CACNA2D1: variants seen among roughly 807,000 people sequenced by gnomAD.
The protein encoded by CACNA2D1 is calcium voltage-gated channel auxiliary subunit alpha2delta 1.
A neutral mutation model predicts 171.5 loss-of-function variants in CACNA2D1; 53 were observed. The observed-to-expected ratio is 0.31, with a 90% CI of 0.25 to 0.39. CACNA2D1 has a LOEUF of 0.39. Ranked by LOEUF, CACNA2D1 falls within the 10% of genes least tolerant of loss-of-function variation. CACNA2D1 has a pLI of 1.00. For missense variants in CACNA2D1, 903 were observed against 1,299.8 expected, an observed-to-expected ratio of 0.69 and a Z score of 4.69; for synonymous variants, 442 against 443.1, an observed-to-expected ratio of 1.00 and a Z score of 0.03.
intron 1 of CACNA2D1, among the ~76,000 whole-genome samples, chr7:82,359,865 A>G (rs1269194556): frequency 6.6e-6 from 1 of 152,196 alleles, no homozygotes; most frequent in South Asian, 2.1e-4. Context: ...ACAACAGGTA[A>G]TATCTATTGA....
intron 3 of CACNA2D1, among the ~76,000 whole-genome samples, chr7:82,303,149 A>G (rs966841104): frequency 5.3e-5 from 8 of 152,184 alleles, no homozygotes; most frequent in Admixed American, 4.6e-4. Flanking sequence ...GCCCGCCACC[A>G]TGCCCAGCTA....
intron 11 of CACNA2D1, 32 bp from the exon 12 acceptor site, chr7:82,032,933 G>A (rs1802887855): frequency 8.9e-7 from 1 of 1,118,172 alleles, no homozygotes. Flanking sequence ...AAAACAATAT[G>A]CGTATTATTC....
At chr7:82,269,264 G>A (rs979403404) in intron 3 of CACNA2D1, among the ~76,000 whole-genome samples, 1 of 152,062 alleles carries the variant, frequency 6.6e-6, no homozygotes, top group African/African-American at 2.4e-5. Flanking sequence ...AGCTGCCAAT[G>A]TAAATTTACA....
At chr7:82,086,246 C>A (rs1173981212) in intron 6 of CACNA2D1, among the ~76,000 whole-genome samples, 1 of 152,136 alleles carries the variant, frequency 6.6e-6, no homozygotes, top group East Asian at 1.9e-4. Flanking sequence ...AAACAAGATG[C>A]ACGGCCTATG....
intron 1 of CACNA2D1, among the ~76,000 whole-genome samples, chr7:82,411,618 C>T (rs1322501642): frequency 6.6e-6 from 1 of 151,966 alleles, no homozygotes; most frequent in African/African-American, 2.4e-5. Flanking sequence ...GAATCTAAAA[C>T]CTCAAAGCCT....
At chr7:81,951,792 T>A (rs918574100) in intron 38 of CACNA2D1, among the ~76,000 whole-genome samples, 1 of 152,074 alleles carries the variant, frequency 6.6e-6, no homozygotes, top group Non-Finnish European at 1.5e-5. Flanking sequence ...TGTGCTGCTA[T>A]AAACATGCAT....
intron 3 of CACNA2D1, among the ~76,000 whole-genome samples, chr7:82,228,763 T>C (rs187398706): frequency 3.3e-5 from 5 of 152,280 alleles, no homozygotes; most frequent in African/African-American, 1.2e-4. Flanking sequence ...TTTATTATTA[T>C]TATTATTTTC....
chr7:82,308,806 C>T (rs1319752016), intron 3 of CACNA2D1, among the ~76,000 whole-genome samples: 1 of 152,178 alleles, frequency 6.6e-6, no homozygotes, highest in East Asian at 1.9e-4. Flanking sequence ...ATGAAGTTTA[C>T]ATACAAGTTC....
intron 38 of CACNA2D1, among the ~76,000 whole-genome samples, chr7:81,953,506 G>A (rs925996325): frequency 9.9e-5 from 15 of 151,628 alleles, no homozygotes; most frequent in Non-Finnish European, 1.8e-4. Context: ...TTCTCTCCAG[G>A]TAGGGTAAAC....
intron 6 of CACNA2D1, among the ~76,000 whole-genome samples, chr7:82,105,356 G>A (rs1787615545): frequency 7.4e-6 from 1 of 135,936 alleles, no homozygotes; most frequent in Non-Finnish European, 1.6e-5. Flanking sequence ...ATGAGAAAAT[G>A]TTGGTTATAT....
At chr7:82,414,976 T>C in intron 1 of CACNA2D1, among the ~76,000 whole-genome samples, 1 of 152,332 alleles carries the variant, frequency 6.6e-6, no homozygotes, top group East Asian at 1.9e-4. Flanking sequence ...ATTACCTTAT[T>C]TAGGGGAAGA....
intron 12 of CACNA2D1, among the ~76,000 whole-genome samples, chr7:82,030,608 A>G (rs774634635): frequency 3.3e-5 from 5 of 151,832 alleles, no homozygotes; most frequent in Non-Finnish European, 7.4e-5. Context: ...GAAATAAAGT[A>G]TGTAGAGGTG....
chr7:82,142,721 A>T (rs2129090780), intron 4 of CACNA2D1, among the ~76,000 whole-genome samples: 1 of 152,320 alleles, frequency 6.6e-6, no homozygotes, highest in South Asian at 2.1e-4. Flanking sequence ...TGATAAAGTC[A>T]CTTTTACAAA....
At chr7:82,154,540 C>T (rs1228533627) in intron 4 of CACNA2D1, among the ~76,000 whole-genome samples, 2 of 152,040 alleles carry the variant, frequency 1.3e-5, no homozygotes, top group Non-Finnish European at 2.9e-5. Context: ...CACTATGACA[C>T]ATGTATACCT....
chr7:82,254,048 G>A (rs957852815), intron 3 of CACNA2D1, among the ~76,000 whole-genome samples: 1 of 152,024 alleles, frequency 6.6e-6, no homozygotes, highest in Non-Finnish European at 1.5e-5. Flanking sequence ...AAAATAAATA[G>A]TAAACATATT....
At chr7:82,297,248 A>AAAAT (rs139469069) in intron 3 of CACNA2D1, among the ~76,000 whole-genome samples, 16,449 of 151,802 alleles carry the variant, frequency 0.11, 1,948 homozygotes, top group African/African-American at 0.29. Flanking sequence ...CCTGTCTCAA[A>AAAAT]AAATAAACAA....
At chr7:82,105,442 A>G (rs1344718717) in intron 6 of CACNA2D1, among the ~76,000 whole-genome samples, 1 of 143,698 alleles carries the variant, frequency 7.0e-6, no homozygotes, top group African/African-American at 2.6e-5. Context: ...GTGGAGCTGA[A>G]AATTTATGAC....
intron 6 of CACNA2D1, among the ~76,000 whole-genome samples, chr7:82,096,994 G>A (rs1005726725): frequency 1.3e-5 from 2 of 152,050 alleles, no homozygotes; most frequent in Non-Finnish European, 1.5e-5. Flanking sequence ...CTGCCTATCA[G>A]AAACTAAGCA....
At chr7:82,292,304 T>C (rs2129417098) in intron 3 of CACNA2D1, among the ~76,000 whole-genome samples, 1 of 152,294 alleles carries the variant, frequency 6.6e-6, no homozygotes, top group South Asian at 2.1e-4. Flanking sequence ...TCCATCACCC[T>C]GCACCTATTT....
Sources: allele counts gnomAD v4.1 joint callset (sites outside exome capture counted in the v4.1 genomes callset), GRCh38; gene constraint gnomAD v4.1.1; transcripts MANE v1.5; gene names NCBI Gene and HGNC (gene_info 2026-07-23, HGNC 2026-07-21).